The following ANO2 variants were observed in gnomAD, a reference collection of about 807,000 sequenced individuals.
The protein encoded by ANO2 is anoctamin-2.
Under a neutral mutation model 124.2 loss-of-function variants are expected in ANO2, and 101 were observed. The observed-to-expected ratio is 0.81, with a 90% CI of 0.69 to 0.96. The LOEUF (loss-of-function observed/expected upper bound fraction) is 0.96. ANO2 is among the 40% of genes least tolerant of loss of function. The pLI is 0.00. For synonymous variants in ANO2, 486 were observed against 482.5 expected (o/e 1.01, Z -0.09); for missense variants, 1,293 against 1,274.5 (o/e 1.01, Z -0.22).
intron 14 of ANO2, among the ~76,000 whole-genome samples, chr12:5,724,852 T>A (rs1393366434): frequency 6.6e-6 from 1 of 152,006 alleles, no homozygotes; most frequent in African/African-American, 2.4e-5. Flanking sequence ...GGTGACAAGT[T>A]CCATGAAGAA....
chr12:5,929,480 T>C (rs865866178), intron 1 of ANO2, among the ~76,000 whole-genome samples: 2 of 82,096 alleles, frequency 2.4e-5, no homozygotes, highest in Admixed American at 1.5e-4. Context: ...TACTAGTCTA[T>C]CTTCTTTCCT....
Position 5,578,392 on chromosome 12 carries a change from G to A in ANO2, c.2360C>T (p.Pro787Leu), listed in dbSNP as rs370114605. ...AKKFVTELRR[P>L]DAVRTKDIGI... ...GATATCTTTGGTTCTTACAGCATCC[G>A]GCCGTCTCAGCTCTGTAACAAACTT... Residue 787 changes from proline (P) to leucine (L), a missense_variant, in exon 21 of 25, where the codon CCG becomes CTG. Physicochemically the swap from Pro to Leu is moderately conservative, Grantham distance 98. Coordinates refer to ENST00000682330, the MANE Select transcript of ANO2 (RefSeq NM_001364791.2). 94 of 1,613,802 alleles carry A rather than the reference G, an allele frequency of 5.8e-5. No homozygotes were observed. The highest frequency in any genetic ancestry group is 6.4e-5 in the Non-Finnish European group (76 of 1,179,848).
chr12:5,765,237 C>T (rs551883547), intron 10 of ANO2, among the ~76,000 whole-genome samples: 2 of 152,232 alleles, frequency 1.3e-5, no homozygotes, highest in Non-Finnish European at 2.9e-5. Flanking sequence ...TGATTGAAGC[C>T]GACCAGGCAT....
intron 1 of ANO2, among the ~76,000 whole-genome samples, chr12:5,934,180 C>T (rs753085289): frequency 6.6e-6 from 1 of 152,120 alleles, no homozygotes; most frequent in Non-Finnish European, 1.5e-5. Flanking sequence ...AGGTAGGTAC[C>T]ATTGTTGTCA....
intron 14 of ANO2, among the ~76,000 whole-genome samples, chr12:5,664,247 C>T (rs978966427): frequency 6.6e-6 from 1 of 152,168 alleles, no homozygotes; most frequent in Non-Finnish European, 1.5e-5. Flanking sequence ...ATCTACCCAT[C>T]CTTCCACCCA....
At chr12:5,579,376 C>T (rs899599799) in intron 20 of ANO2, among the ~76,000 whole-genome samples, 4 of 152,158 alleles carry the variant, frequency 2.6e-5, no homozygotes, top group African/African-American at 9.7e-5. Context: ...CTGAATGGGT[C>T]TCCATGTAGA....
chr12:5,935,363 G>C (rs1224529887), intron 1 of ANO2, among the ~76,000 whole-genome samples: 1 of 152,174 alleles, frequency 6.6e-6, no homozygotes, highest in Non-Finnish European at 1.5e-5. Flanking sequence ...TGTTCATGAA[G>C]GCACTGGAGA....
At chr12:5,920,295 G>A (rs771714142) in intron 3 of ANO2, among the ~76,000 whole-genome samples, 39 of 152,052 alleles carry the variant, frequency 2.6e-4, no homozygotes, top group Non-Finnish European at 4.1e-4. Context: ...CCAGACAAGC[G>A]CATTCCTTAG....
In ANO2 at chr12:5,769,195, A is replaced by T. The variant is rs1414019480; in HGVS notation, c.1056-18225T>A. ...TTTTAAGAAGAGGTTCCCTCTCTCC[A>T]ACCAATCCTCTCTTTAAGAAGGTTT... On this transcript the variant is annotated intron_variant, in intron 10 of 24. Transcript: ENST00000682330. The surrounding 1 kb of genome is among the most constrained non-coding windows in gnomAD (Gnocchi z 4.0). Among the ~76,000 whole-genome samples, 1 of 152,186 alleles carries T rather than the reference A, an allele frequency of 6.6e-6. No homozygotes were observed. The highest frequency in any genetic ancestry group is 6.5e-5 in the Admixed American group (1 of 15,274).
chr12:5,791,026 A>C (rs960872256), intron 10 of ANO2, among the ~76,000 whole-genome samples: 4 of 152,168 alleles, frequency 2.6e-5, no homozygotes, highest in Non-Finnish European at 4.4e-5. Context: ...CTTGAACTTC[A>C]GTAACATCAT....
chr12:5,580,005 CATCTTT>C (rs1942651744), intron 20 of ANO2, among the ~76,000 whole-genome samples: 1 of 152,198 alleles, frequency 6.6e-6, no homozygotes. Flanking sequence ...CTTGCTCACA[CATCTTT>C]ATTTCCCACT....
intron 16 of ANO2, among the ~76,000 whole-genome samples, chr12:5,630,706 A>T (rs1419801318): frequency 6.6e-6 from 1 of 152,258 alleles, no homozygotes; most frequent in Non-Finnish European, 1.5e-5. Context: ...ATTGACAAAA[A>T]TGTGCTAAGA....
rs534047177 is a variant in ANO2 at position 5,671,550 on chromosome 12, C to A, written c.1546-23749G>T. Among the ~76,000 whole-genome samples, 4 of 151,864 alleles carry A rather than the reference C, an allele frequency of 2.6e-5. No homozygotes were observed. The South Asian group carries it at 8.3e-4, about 32-fold the overall frequency. On this transcript the variant is annotated intron_variant, in intron 14 of 24. Transcript: ENST00000682330. ...GAGTGTGTGTGTGTGCATCTCAGGG[C>A]AGAGGGGGCAGGTTGAGCTGAGCAC... is the stretch of plus-strand genomic sequence containing the variant.
intron 3 of ANO2, among the ~76,000 whole-genome samples, chr12:5,888,201 C>G (rs750067625): frequency 1.3e-5 from 2 of 151,900 alleles, no homozygotes; most frequent in African/African-American, 4.8e-5. Context: ...GTGAGTGTTA[C>G]AGCTCTTAAG....
intron 3 of ANO2, among the ~76,000 whole-genome samples, chr12:5,886,816 T>C (rs981003025): frequency 2.6e-5 from 4 of 152,216 alleles, no homozygotes; most frequent in Non-Finnish European, 4.4e-5. Flanking sequence ...GAAGACATTA[T>C]GTTAAGTGAA....
rs912838800 is a variant in ANO2 at position 5,567,705 on chromosome 12, C to T, written c.2622-2042G>A. On this transcript the variant is annotated intron_variant, in intron 23 of 24. Transcript: ENST00000682330. ...CATAAATAATCTAATTCTGGTTCCA[C>T]CTCTGCTATTAACTCACCCCAGCTT... Among the ~76,000 whole-genome samples, 6 of 152,352 alleles carry T rather than the reference C, an allele frequency of 3.9e-5. No homozygotes were observed. In the East Asian group the frequency reaches 1.2e-3, roughly 29 times the overall value.
rs143568546 is a variant in ANO2 at position 5,742,513 on chromosome 12, G to A, written c.1351+1644C>T. On this transcript the variant is annotated intron_variant, in intron 12 of 24. Transcript: ENST00000682330. ...GAAATGACTGAGGATCTCGGAAGGGGTGGGAGGTAGCTGTTCATTACAGCT... is the reference window on the plus strand; with the variant it reads ...GAAATGACTGAGGATCTCGGAAGGGATGGGAGGTAGCTGTTCATTACAGCT... Among the ~76,000 whole-genome samples the A allele has an allele frequency of 6.4e-3, 980 of 152,270 alleles. 39 individuals are homozygous for A. Among genetic ancestry groups the A allele is most frequent in the Admixed American group, 0.058 (893 of 15,298 alleles).
chr12:5,627,621 C>T (rs1031097421), intron 16 of ANO2, among the ~76,000 whole-genome samples: 1 of 152,226 alleles, frequency 6.6e-6, no homozygotes, highest in Admixed American at 6.5e-5. Flanking sequence ...AGATTAGATT[C>T]ATATATGCTC....
intron 23 of ANO2, among the ~76,000 whole-genome samples, chr12:5,566,562 G>T (rs1239327078): frequency 6.6e-6 from 1 of 152,164 alleles, no homozygotes; most frequent in Non-Finnish European, 1.5e-5. Context: ...CTCATCCTGG[G>T]CCAGAGAAAG....
Sources: gnomAD v4.1 joint callset for allele counts (sites outside exome capture counted in the v4.1 genomes callset) on GRCh38, gnomAD v4.1.1 for gene constraint, Gnocchi (gnomAD v3.1) non-coding constraint, MANE v1.5 for transcripts, NCBI Gene and HGNC (gene_info 2026-07-23, HGNC 2026-07-21) for gene names.